The following SLC16A7 variants were observed in gnomAD, a reference collection of about 807,000 sequenced individuals.
SLC16A7 encodes solute carrier family 16 member 7, also known as monocarboxylate transporter 2.
In SLC16A7, 33 loss-of-function variants were observed where a neutral mutation model predicts 34.9. That is an observed-to-expected ratio of 0.94 (90% CI 0.72 to 1.26). The LOEUF is 1.26. Among genes scored for constraint, SLC16A7 ranks in the 50% most tolerant of loss-of-function variants. The probability of loss-of-function intolerance (pLI) is 0.00; values close to 1 mark genes in which losing one functional copy is unlikely to be tolerated. For synonymous variants in SLC16A7, 201 were observed against 206.6 expected (o/e 0.97, Z 0.23); for missense variants, 573 against 578.1 (o/e 0.99, Z 0.09).
At chr12:59,612,152 G>A (rs571618761) in intron 1 of SLC16A7, among the ~76,000 whole-genome samples, 162 of 152,336 alleles carry the variant, frequency 1.1e-3, no homozygotes, top group African/African-American at 3.4e-3. Context: ...CTCCATGAGG[G>A]CCTTGCCCCT....
Position 59,660,970 on chromosome 12 carries a change from A to C in SLC16A7, c.-31+5720A>C, listed in dbSNP as rs1868817199. ...ATTTTACAAATGGCAGTAAAAAGCC[A>C]AAACACATTAAAATACCTATTCTAC... On this transcript the variant is annotated intron_variant, in intron 2 of 5. Coordinates refer to ENST00000547379, the MANE Select transcript of SLC16A7 (RefSeq NM_001270623.2). 3.3e-5 allele frequency among the ~76,000 whole-genome samples: 5 copies of C among 152,178 alleles called. 1 individual carries two copies. In the South Asian group the frequency reaches 1.0e-3, roughly 31 times the overall value.
At chr12:59,697,708 G>T (rs1352355757) in intron 2 of SLC16A7, among the ~76,000 whole-genome samples, 1 of 149,110 alleles carries the variant, frequency 6.7e-6, no homozygotes, top group African/African-American at 2.5e-5. Context: ...GTCTAGAAAA[G>T]ACTGTTAAAA....
intron 3 of SLC16A7, among the ~76,000 whole-genome samples, chr12:59,706,504 A>G (rs1252167486): frequency 1.3e-5 from 2 of 152,132 alleles, no homozygotes; most frequent in African/African-American, 4.8e-5. Flanking sequence ...TTCTTCCAGT[A>G]TCAAAAGGTA....
intron 3 of SLC16A7, among the ~76,000 whole-genome samples, chr12:59,755,874 C>A (rs372033478): frequency 6.6e-6 from 1 of 152,076 alleles, no homozygotes; most frequent in East Asian, 1.9e-4. Context: ...AGGCTACAGT[C>A]ACCAAAACAG....
intron 1 of SLC16A7, among the ~76,000 whole-genome samples, chr12:59,652,153 T>A (rs1868352957): frequency 6.6e-6 from 1 of 152,042 alleles, no homozygotes; most frequent in Non-Finnish European, 1.5e-5. Flanking sequence ...TAAAACAGTC[T>A]CTTATTTTTG....
chr12:59,629,998 G>C (rs967447157), intron 1 of SLC16A7, among the ~76,000 whole-genome samples: 1 of 151,856 alleles, frequency 6.6e-6, no homozygotes, highest in Non-Finnish European at 1.5e-5. Context: ...ATTCTATGCA[G>C]TAGGTACAAA....
intron 3 of SLC16A7, among the ~76,000 whole-genome samples, chr12:59,747,483 G>A (rs1042460280): frequency 6.6e-6 from 1 of 152,032 alleles, no homozygotes; most frequent in African/African-American, 2.4e-5. Context: ...ACATTTGATT[G>A]TATCATTCTT....
At chr12:59,600,291 ACT>A (rs1878622310) in intron 1 of SLC16A7, among the ~76,000 whole-genome samples, 1 of 152,188 alleles carries the variant, frequency 6.6e-6, no homozygotes, top group Non-Finnish European at 1.5e-5. Flanking sequence ...GAAATGCCAA[ACT>A]TGCCATTAGA....
At chr12:59,729,332 C>T (rs939219492) in intron 3 of SLC16A7, among the ~76,000 whole-genome samples, 1 of 152,214 alleles carries the variant, frequency 6.6e-6, no homozygotes, top group African/African-American at 2.4e-5. Context: ...TTTGCCTTTC[C>T]TATCATCTCC....
chr12:59,689,817 T>C (rs1871437164), intron 2 of SLC16A7, among the ~76,000 whole-genome samples: 1 of 152,004 alleles, frequency 6.6e-6, no homozygotes, highest in Non-Finnish European at 1.5e-5. Flanking sequence ...TTAAATATAA[T>C]TCTGTTTTTT....
intron 3 of SLC16A7, among the ~76,000 whole-genome samples, chr12:59,744,230 A>C (rs1350476796): frequency 6.6e-6 from 1 of 152,136 alleles, no homozygotes; most frequent in Non-Finnish European, 1.5e-5. Flanking sequence ...TGCCTTTTCC[A>C]AAACCACCCA....
intron 3 of SLC16A7, among the ~76,000 whole-genome samples, chr12:59,748,142 A>G (rs1008679775): frequency 6.6e-6 from 1 of 152,154 alleles, no homozygotes; most frequent in Non-Finnish European, 1.5e-5. Context: ...AGGGATTGGT[A>G]GAAGTGGAGA....
intron 2 of SLC16A7, among the ~76,000 whole-genome samples, chr12:59,676,162 G>C (rs1269808892): frequency 1.3e-5 from 2 of 152,088 alleles, no homozygotes; most frequent in Non-Finnish European, 2.9e-5. Flanking sequence ...CAGAGTCATT[G>C]TACAGATTGA....
rs147743319 is a variant in SLC16A7 at position 59,704,045 on chromosome 12, C to T, written c.-30-727C>T. On this transcript the variant is annotated intron_variant, in intron 2 of 5. Coordinates refer to ENST00000547379, the MANE Select transcript of SLC16A7 (RefSeq NM_001270623.2). ...GACGAAACCCCATCTCTACTAAAAA[C>T]ACAAAAATTAGCCGGGCATGGTGGC... is the stretch of plus-strand genomic sequence containing the variant. Among the ~76,000 whole-genome samples the T allele has an allele frequency of 1.4e-3, 212 of 150,424 alleles. 1 individual carries two copies. The highest frequency in any genetic ancestry group is 6.8e-3 in the Middle Eastern group (2 of 292).
At chr12:59,616,431 T>C (rs1879452461) in intron 1 of SLC16A7, among the ~76,000 whole-genome samples, 1 of 152,212 alleles carries the variant, frequency 6.6e-6, no homozygotes, top group Non-Finnish European at 1.5e-5. Flanking sequence ...ATTTATTTTC[T>C]GTAAGTTCTT....
At chr12:59,741,057 A>G (rs975431402) in intron 3 of SLC16A7, among the ~76,000 whole-genome samples, 20 of 152,186 alleles carry the variant, frequency 1.3e-4, no homozygotes, top group Non-Finnish European at 8.8e-5. Context: ...CAATGAAATA[A>G]AAGAGGATAC....
At chr12:59,743,313 C>G (rs12812257) in intron 3 of SLC16A7, among the ~76,000 whole-genome samples, 11,617 of 152,142 alleles carry the variant, frequency 0.076, 536 homozygotes, top group Middle Eastern at 0.17. Flanking sequence ...TAAGAAAATA[C>G]TTGTAAAAGT....
At position 59,642,830 on chromosome 12, in the gene SLC16A7, G is replaced by C. The variant is rs574927338; in HGVS notation, c.-129-12322G>C. Among the ~76,000 whole-genome samples the C allele has an allele frequency of 1.2e-4, 18 of 152,174 alleles. No homozygotes were observed. In the East Asian group the frequency reaches 3.3e-3, roughly 28 times the overall value. ...AGATAGATTCCATAATTGTTGTGAAGAATTTGGAAATTGTACACAGAGTAA... is the reference window on the plus strand; with the variant it reads ...AGATAGATTCCATAATTGTTGTGAACAATTTGGAAATTGTACACAGAGTAA... On this transcript the variant is annotated intron_variant, in intron 1 of 5. Transcript: ENST00000547379.
At chr12:59,729,257 C>A (rs957439198) in intron 3 of SLC16A7, among the ~76,000 whole-genome samples, 1 of 152,182 alleles carries the variant, frequency 6.6e-6, no homozygotes, top group Non-Finnish European at 1.5e-5. Context: ...CCATAAACAT[C>A]GAAGGAATCT....
Sources: allele counts gnomAD v4.1 joint callset (sites outside exome capture counted in the v4.1 genomes callset), GRCh38; gene constraint gnomAD v4.1.1; transcripts MANE v1.5; gene names NCBI Gene and HGNC (gene_info 2026-07-23, HGNC 2026-07-21).